The following SDCBP2 variants were observed in gnomAD, a reference collection of about 807,000 sequenced individuals.
The protein encoded by SDCBP2 is syntenin-2.
In SDCBP2, 28 loss-of-function variants were observed where a neutral mutation model predicts 30.7. The ratio of observed to expected loss-of-function variants is 0.91; its 90% CI spans 0.68 to 1.25. The LOEUF (loss-of-function observed/expected upper bound fraction) is 1.25. Ranked by LOEUF, SDCBP2 falls within the 50% of genes most tolerant of loss-of-function variation. The pLI is 0.00. For synonymous variants in SDCBP2, 166 were observed against 157.3 expected, an observed-to-expected ratio of 1.06 and a Z score of -0.41; for missense variants, 399 against 379.0, an observed-to-expected ratio of 1.05 and a Z score of -0.44.
Position 1,321,336 on chromosome 20 carries a change from G to A in SDCBP2, c.-19-901C>T, listed in dbSNP as rs1299703876. 1 of 152,252 alleles carries A rather than the reference G, an allele frequency of 6.6e-6. No individual in the cohort carries two copies. The highest frequency in any genetic ancestry group is 2.4e-5 in the African/African-American group (1 of 41,406). The allele number at this position is 152,252 out of a possible 1,614,324, so 9.4% of individuals were successfully genotyped here. On this transcript the variant is annotated intron_variant, in intron 1 of 8. Coordinates refer to ENST00000360779, the MANE Select transcript of SDCBP2 (RefSeq NM_080489.5). The surrounding 1 kb of genome is among the most constrained non-coding windows in gnomAD (Gnocchi z 5.2). The stretch of plus-strand genomic sequence containing the variant: ...AGGCTTCCCAGGATCAGATCCGCTG[G>A]GCACCTCCCTGAGTGACCACAGGCA...
rs55813776 is a variant in SDCBP2 at position 1,317,105 on chromosome 20, A to G, written c.225+1213T>C. On this transcript the variant is annotated intron_variant, in intron 4 of 8. Coordinates refer to ENST00000360779, the MANE Select transcript of SDCBP2 (RefSeq NM_080489.5). Reference sequence around the variant, plus strand: ...TAGGGAGGGTGGCAAGCAGGCAGGCATAACTATACAGAAGCAGCCTGGGAG... The same window carrying G: ...TAGGGAGGGTGGCAAGCAGGCAGGCGTAACTATACAGAAGCAGCCTGGGAG... Among the ~76,000 whole-genome samples, 1,108 of 152,334 alleles carry G rather than the reference A, an allele frequency of 7.3e-3. 6 individuals carry two copies. The highest frequency in any genetic ancestry group is 0.012 in the Non-Finnish European group (825 of 68,036).
rs532193805 is a variant in SDCBP2 at position 1,323,934 on chromosome 20, CT to C, written c.-19-3500del. 19 of 152,242 alleles carry C rather than the reference CT, an allele frequency of 1.2e-4. No homozygotes were observed. In the East Asian group the frequency reaches 3.5e-3, roughly 28 times the overall value. 9.4% of individuals were successfully genotyped at this position (152,242 alleles called of 1,614,324 possible). On this transcript the variant is annotated intron_variant, in intron 1 of 8. Coordinates refer to ENST00000360779, the MANE Select transcript of SDCBP2 (RefSeq NM_080489.5). ...TACTGTATCCCCTGCCTTGTAGCAG[CT>C]CACAATATAATGGGGAATGGTTCCC... is the stretch of plus-strand genomic sequence containing the variant.
intron 8 of SDCBP2, 111 bp from the exon 9 acceptor site, chr20:1,310,606 C>T (rs2088648181): frequency 8.7e-7 from 1 of 1,142,986 alleles, no homozygotes; most frequent in South Asian, 1.5e-5. Flanking sequence ...ACTCCCAGTT[C>T]TAAGACTTTC....
intron 4 of SDCBP2, among the ~76,000 whole-genome samples, chr20:1,317,213 A>G (rs2088790142): frequency 6.6e-6 from 1 of 152,162 alleles, no homozygotes; most frequent in African/African-American, 2.4e-5. Flanking sequence ...AATGACATAG[A>G]ACTAGAGACA....
At chr20:1,315,916 G>A (rs1249459690) in intron 4 of SDCBP2, among the ~76,000 whole-genome samples, 4 of 152,138 alleles carry the variant, frequency 2.6e-5, no homozygotes, top group Non-Finnish European at 5.9e-5. Flanking sequence ...GCAAGACCTT[G>A]TCTCTGCAAA....
Position 1,313,732 on chromosome 20 carries a change from C to A in SDCBP2, c.226-234G>T. 2 of 1,170,104 alleles carry A rather than the reference C, an allele frequency of 1.7e-6. No individual in the cohort carries two copies. The highest frequency in any genetic ancestry group is 3.2e-5 in the East Asian group (1 of 31,336). The allele number at this position is 1,170,104 out of a possible 1,614,324, so 72.5% of individuals were successfully genotyped here. On this transcript the variant is annotated intron_variant, in intron 4 of 8. Coordinates refer to ENST00000360779, the MANE Select transcript of SDCBP2 (RefSeq NM_080489.5). The surrounding 1 kb of genome is among the most constrained non-coding windows in gnomAD (Gnocchi z 5.2). ...GCCAGGAAAACGGGGAGGGAAGGGG[C>A]GAGGATACAGGAAGAGGCCCTTCAT...
intron 4 of SDCBP2, among the ~76,000 whole-genome samples, chr20:1,314,064 C>T (rs967238419): frequency 5.9e-5 from 9 of 152,022 alleles, no homozygotes; most frequent in Non-Finnish European, 1.3e-4. Context: ...CTAGAAAATC[C>T]CAAAGAATCT....
In SDCBP2 at chr20:1,310,348, A is replaced by T. The variant is rs1416333482; in HGVS notation, c.*93T>A. 7.5e-7 allele frequency: 1 copy of T among 1,339,586 alleles called. No homozygotes were observed. The highest frequency in any genetic ancestry group is 1.1e-6 in the Non-Finnish European group (1 of 944,074). 83.0% of individuals were successfully genotyped at this position (1,339,586 alleles called of 1,614,324 possible). The stretch of plus-strand genomic sequence containing the variant: ...CCTCATGGCAGCCCCCACCTTAAGC[A>T]GCAGGCCGGCTGCAACCCATCATCC... On this transcript the variant is annotated 3_prime_UTR_variant, in exon 9 of 9. Coordinates refer to ENST00000360779, the MANE Select transcript of SDCBP2 (RefSeq NM_080489.5).
intron 4 of SDCBP2, among the ~76,000 whole-genome samples, chr20:1,315,907 C>T (rs1187519396): frequency 6.6e-6 from 1 of 152,160 alleles, no homozygotes; most frequent in African/African-American, 2.4e-5. Flanking sequence ...GCCAACATAG[C>T]AAGACCTTGT....
chr20:1,318,415 A>T lies in SDCBP2; in HGVS notation c.128T>A (p.Leu43Ter). ...QATAISPPPVLYPNLAELENY... is the reference protein window; with the variant it reads ...QATAISPPPV The stretch of plus-strand genomic sequence containing the variant: ...TTCCAGTTCTGCCAAGTTTGGGTAC[A>T]AAACTGATAGGGAAAGAAGGAAGAA... The change falls in exon 4 of 9, where the codon TTG (leucine) becomes TAG (stop). Residue 43 changes from leucine to a stop codon, truncating the protein, a stop_gained. Coordinates refer to ENST00000360779, the MANE Select transcript of SDCBP2 (RefSeq NM_080489.5). LOFTEE classifies it high-confidence loss of function. 3 of 1,584,680 alleles carry T rather than the reference A, an allele frequency of 1.9e-6. No individual in the cohort carries two copies. The highest frequency in any genetic ancestry group is 2.6e-6 in the Non-Finnish European group (3 of 1,159,322).
At chr20:1,319,534 G>T in intron 3 of SDCBP2, 56 bp downstream of exon 3, 2 of 1,516,194 alleles carry the variant, frequency 1.3e-6, no homozygotes. Context: ...CTTCCCTGAT[G>T]ATCTCTTCCC....
rs1287178155 is a variant in SDCBP2, at chr20:1,313,236, G to T, written c.384+104C>A. 3 of 1,253,592 alleles carry T rather than the reference G, an allele frequency of 2.4e-6. No individual in the cohort carries two copies. Among genetic ancestry groups the T allele is most frequent in the Non-Finnish European group, 2.2e-6 (2 of 893,408 alleles). 77.7% of individuals were successfully genotyped at this position (1,253,592 alleles called of 1,614,324 possible). On this transcript the variant is annotated intron_variant, in intron 5 of 8. Coordinates refer to ENST00000360779, the MANE Select transcript of SDCBP2 (RefSeq NM_080489.5). This position sits in a 1 kb window ranked among gnomAD's most constrained non-coding sequence, Gnocchi z 5.2. Reference sequence around the variant, plus strand: ...CCTGGCCGCTGGGGTTAGGAGGCCCGCTCTGCACCTTCCTTACTGTGGACG... The same window carrying T: ...CCTGGCCGCTGGGGTTAGGAGGCCCTCTCTGCACCTTCCTTACTGTGGACG...
In SDCBP2 at chr20:1,320,574, C is replaced by T. The variant is rs922091584; in HGVS notation, c.-19-139G>A. Reference sequence around the variant, plus strand: ...CAGCAGGGCACTTAGAATGCCTCCCCGAACTCCACCCCTAATCCCCTGTCG... The same window carrying T: ...CAGCAGGGCACTTAGAATGCCTCCCTGAACTCCACCCCTAATCCCCTGTCG... On this transcript the variant is annotated intron_variant, in intron 1 of 8. Transcript: ENST00000360779. The surrounding 1 kb of genome is among the most constrained non-coding windows in gnomAD (Gnocchi z 4.7). The T allele has an allele frequency of 1.6e-5, 10 of 615,450 alleles. No homozygotes were observed. The highest frequency in any genetic ancestry group is 1.2e-4 in the South Asian group (6 of 50,666). The allele number at this position is 615,450 out of a possible 1,614,324, so 38.1% of individuals were successfully genotyped here. A position where few individuals can be genotyped will look rare whatever the true frequency, so the allele number is the denominator to read the frequency against.
chr20:1,328,284 G>A (rs922304324), intron 1 of SDCBP2, among the ~76,000 whole-genome samples: 4 of 152,148 alleles, frequency 2.6e-5, no homozygotes, highest in Non-Finnish European at 4.4e-5. Flanking sequence ...GGGAGCCACT[G>A]GGGGATTTGT....
rs1453158732 is a variant in SDCBP2 at position 1,321,159 on chromosome 20, T to G, written c.-19-724A>C. On this transcript the variant is annotated intron_variant, in intron 1 of 8. Coordinates refer to ENST00000360779, the MANE Select transcript of SDCBP2 (RefSeq NM_080489.5). The surrounding 1 kb of genome is among the most constrained non-coding windows in gnomAD (Gnocchi z 5.2). ...GACAGCACCGGGCCAGCCTCTTGCT[T>G]GAACTCGCCACTTGTCCTGACTGCA... is the stretch of plus-strand genomic sequence containing the variant. The G allele has an allele frequency of 6.6e-6, 1 of 152,570 alleles. No homozygotes were observed. Among genetic ancestry groups the G allele is most frequent in the Non-Finnish European group, 1.5e-5 (1 of 68,344 alleles). The allele number at this position is 152,570 out of a possible 1,614,324, so 9.5% of individuals were successfully genotyped here.
chr20:1,318,031 T>C (rs964322454), intron 4 of SDCBP2: 18 of 465,498 alleles, frequency 3.9e-5, no homozygotes, highest in Admixed American at 1.8e-4. Flanking sequence ...AGGTTCACGC[T>C]GGGCTTAATG....
rs746382498 is a variant in SDCBP2 at position 1,312,750 on chromosome 20, G to T, written c.397C>A (p.Gln133Lys). The T allele has an allele frequency of 3.7e-6, 6 of 1,611,402 alleles. No homozygotes were observed. The African/African-American group carries it at 6.7e-5, about 18-fold the overall frequency. Residue 133 changes from glutamine (Q) to lysine (K), a missense_variant, in exon 6 of 9, where the codon CAG becomes AAG. Transcript: ENST00000360779. ...LRKVDQGLFVQLVQANTPASL... is the reference protein window; with the variant it reads ...LRKVDQGLFVKLVQANTPASL... ...GCAGGGGTGTTGGCCTGGACCAACT[G>T]CACAAAGAGCCCCTGGGGGAGGCAG... is the stretch of plus-strand genomic sequence containing the variant.
rs1307349625 is a variant in SDCBP2, at chr20:1,324,526, T to C, written c.-19-4091A>G. ...AACAAATGGTCCTGTCCCGCACAAC[T>C]TTCAGATATCCTGCCAAACTTTCAA... On this transcript the variant is annotated intron_variant, in intron 1 of 8. Transcript: ENST00000360779. This position sits in a 1 kb window ranked among gnomAD's most constrained non-coding sequence, Gnocchi z 4.7. Among the ~76,000 whole-genome samples the C allele has an allele frequency of 1.3e-5, 2 of 152,178 alleles. No homozygotes were observed. Among genetic ancestry groups the C allele is most frequent in the African/African-American group, 4.8e-5 (2 of 41,442 alleles).
At chr20:1,317,786 A>G (rs570693730) in intron 4 of SDCBP2, 32 of 243,618 alleles carry the variant, frequency 1.3e-4, no homozygotes, top group African/African-American at 6.6e-4. Context: ...GAAGACTGAC[A>G]GGTGGGACGC....
Sources: gnomAD v4.1 joint callset for allele counts (sites outside exome capture counted in the v4.1 genomes callset) on GRCh38, gnomAD v4.1.1 for gene constraint, Gnocchi (gnomAD v3.1) non-coding constraint, MANE v1.5 for transcripts, NCBI Gene and HGNC (gene_info 2026-07-23, HGNC 2026-07-21) for gene names.